Variants in ENKUR observed in about 807,000 individuals in gnomAD.
The protein encoded by ENKUR is enkurin, TRPC channel interacting protein, also known as enkurin.
ENKUR carries 19 observed loss-of-function variants against 27.6 expected under a neutral mutation model. The observed-to-expected ratio is 0.69, with a 90% CI of 0.48 to 1.01. ENKUR has a LOEUF of 1.01. Among genes scored for constraint, ENKUR ranks in the 50% least tolerant of loss-of-function variants. ENKUR has a pLI of 0.00. For synonymous variants in ENKUR, 117 were observed against 96.9 expected (o/e 1.21, Z -1.22); for missense variants, 312 against 310.5 (o/e 1.00, Z -0.04).
At chr10:25,031,110 C>G (rs1000630912) in intron 2 of ENKUR, among the ~76,000 whole-genome samples, 1 of 152,202 alleles carries the variant, frequency 6.6e-6, no homozygotes, top group African/African-American at 2.4e-5. Context: ...GAGTGAGACT[C>G]CGTCTCAAAA....
At chr10:25,035,786 T>A (rs574797741) in intron 2 of ENKUR, among the ~76,000 whole-genome samples, 1 of 152,342 alleles carries the variant, frequency 6.6e-6, no homozygotes, top group East Asian at 1.9e-4. Context: ...TGCCTCACAA[T>A]AAAGAATGCC....
chr10:25,032,447 C>T (rs990781313), intron 2 of ENKUR, among the ~76,000 whole-genome samples: 16 of 152,212 alleles, frequency 1.1e-4, no homozygotes, highest in Admixed American at 3.3e-4. Context: ...GAAGTCTCTC[C>T]GTAGAATAAG....
At chr10:25,005,158 G>A (rs1014692132) in intron 1 of ENKUR, among the ~76,000 whole-genome samples, 4 of 152,082 alleles carry the variant, frequency 2.6e-5, no homozygotes, top group Non-Finnish European at 1.5e-5. Flanking sequence ...TTTGGTTACT[G>A]CAGCCCTGTA....
intron 3 of ENKUR, among the ~76,000 whole-genome samples, chr10:24,994,394 C>T (rs990943680): frequency 1.3e-5 from 2 of 149,708 alleles, no homozygotes; most frequent in Admixed American, 6.7e-5. Flanking sequence ...AGTGCAGTGA[C>T]GCGACCTTGG....
At chr10:25,023,813 A>G (rs777095870) in intron 2 of ENKUR, 4 of 1,614,144 alleles carry the variant, frequency 2.5e-6, no homozygotes, top group Admixed American at 1.7e-5. Flanking sequence ...AAGAAGTGGT[A>G]TGATGCTCGT....
At chr10:25,005,632 C>T (rs1043143076) in intron 1 of ENKUR, among the ~76,000 whole-genome samples, 6 of 152,158 alleles carry the variant, frequency 3.9e-5, no homozygotes, top group Non-Finnish European at 7.4e-5. Flanking sequence ...AATTTTTACA[C>T]GTACACAGAT....
intron 2 of ENKUR, among the ~76,000 whole-genome samples, chr10:24,997,807 TTATA>T (rs58973955): frequency 6.9e-6 from 1 of 144,876 alleles, no homozygotes; most frequent in African/African-American, 2.6e-5. Flanking sequence ...CACAAAGGAT[TTATA>T]TATATATATA....
intron 1 of ENKUR, among the ~76,000 whole-genome samples, chr10:25,007,795 A>G (rs997739720): frequency 6.6e-5 from 10 of 152,054 alleles, no homozygotes; most frequent in Non-Finnish European, 1.5e-4. Flanking sequence ...GTAAATGCAT[A>G]TGGAAGCCAC....
At chr10:25,061,227 C>T (rs2130503997) in exon 2 of ENKUR, 1 of 1,339,970 alleles carries the variant, frequency 7.5e-7, no homozygotes, top group South Asian at 1.3e-5. Context: ...TGAAATCGAC[C>T]CTGGTTTGCA....
chr10:24,982,733 C>T lies in ENKUR; in HGVS notation c.*1637G>A, dbSNP rs1346154739. 6.6e-6 allele frequency: 1 copy of T among 152,120 alleles called. No homozygotes were observed. The highest frequency in any genetic ancestry group is 1.5e-5 in the Non-Finnish European group (1 of 68,088). 9.4% of individuals were successfully genotyped at this position (152,120 alleles called of 1,614,324 possible). ...GGATCCCGTGGTAGGGATCACCTTT[C>T]CAGGAACAATGGATGGGAATGTTTC... is the stretch of plus-strand genomic sequence containing the variant. On this transcript the variant is annotated 3_prime_UTR_variant, in exon 6 of 6. Transcript: ENST00000331161.
intron 2 of ENKUR, among the ~76,000 whole-genome samples, chr10:25,033,539 G>C (rs375147184): frequency 2.0e-5 from 3 of 150,908 alleles, no homozygotes; most frequent in African/African-American, 7.3e-5. Context: ...TCAACTTTGC[G>C]TAACCCTTTC....
At chr10:24,996,218 T>C (rs1198357502) in intron 2 of ENKUR, among the ~76,000 whole-genome samples, 17 of 151,886 alleles carry the variant, frequency 1.1e-4, no homozygotes, top group Non-Finnish European at 1.5e-5. Flanking sequence ...AGCTCAGGAG[T>C]CTGAGACCAG....
intron 1 of ENKUR, among the ~76,000 whole-genome samples, chr10:25,008,807 G>A (rs371700951): frequency 1.4e-4 from 21 of 152,104 alleles, no homozygotes; most frequent in Non-Finnish European, 1.2e-4. Flanking sequence ...ACATGCACAC[G>A]TATGTTTATT....
At chr10:25,055,900 G>C (rs940367165) in intron 2 of ENKUR, among the ~76,000 whole-genome samples, 1 of 151,996 alleles carries the variant, frequency 6.6e-6, no homozygotes, top group African/African-American at 2.4e-5. Context: ...TATGAAGAAG[G>C]CTATGAAATT....
exon 2 of ENKUR, chr10:25,061,158 T>C: frequency 6.5e-7 from 1 of 1,536,088 alleles, no homozygotes; most frequent in East Asian, 2.4e-5. Context: ...TGCTCCGTGG[T>C]GAACAATCTC....
intron 2 of ENKUR, among the ~76,000 whole-genome samples, chr10:25,042,812 A>G (rs1052226508): frequency 6.6e-6 from 1 of 151,650 alleles, no homozygotes; most frequent in South Asian, 2.1e-4. Flanking sequence ...TTATGAGCAC[A>G]CTACTCTAGT....
At chr10:24,988,401 T>A (rs927518402) in intron 4 of ENKUR, among the ~76,000 whole-genome samples, 1 of 144,940 alleles carries the variant, frequency 6.9e-6, no homozygotes, top group Admixed American at 7.0e-5. Flanking sequence ...TATTTATATA[T>A]GTGTATATAT....
At chr10:25,026,639 T>G (rs1850858603) in intron 2 of ENKUR, 3 of 162,520 alleles carry the variant, frequency 1.8e-5, no homozygotes, top group African/African-American at 7.2e-5. Flanking sequence ...ATGTTTTCTT[T>G]CTGAATTAAA....
chr10:25,030,525 C>T (rs931441108), intron 2 of ENKUR, among the ~76,000 whole-genome samples: 1 of 151,986 alleles, frequency 6.6e-6, no homozygotes, highest in African/African-American at 2.4e-5. Context: ...AAAATGTAAT[C>T]TGTTTTTTTC....
Sources: gnomAD v4.1 joint callset for allele counts (sites outside exome capture counted in the v4.1 genomes callset) on GRCh38, gnomAD v4.1.1 for gene constraint, MANE v1.5 for transcripts, NCBI Gene and HGNC (gene_info 2026-07-23, HGNC 2026-07-21) for gene names.